DPYS: variants seen among roughly 807,000 people sequenced by gnomAD.
DPYS encodes the protein dihydropyrimidine amidohydrolase.
A neutral mutation model predicts 50.3 loss-of-function variants in DPYS; 39 were observed. That is an observed-to-expected ratio of 0.78 (90% CI 0.60 to 1.01). DPYS has a LOEUF of 1.01. DPYS is among the 50% of genes least tolerant of loss of function. The pLI, the probability that DPYS is intolerant of heterozygous loss-of-function variation, is 0.00. For missense variants in DPYS, 659 were observed against 680.9 expected (o/e 0.97, Z 0.36); for synonymous variants, 245 against 250.7 (o/e 0.98, Z 0.22).
chr8:104,462,564 A>T (rs555539908), intron 1 of DPYS, among the ~76,000 whole-genome samples: 1 of 152,248 alleles, frequency 6.6e-6, no homozygotes, highest in East Asian at 1.9e-4. Flanking sequence ...AATGTGTTGC[A>T]TGGTTTCCCA....
In DPYS at chr8:104,447,509, A is replaced by T. The variant is rs774780131; in HGVS notation, c.424-6T>A. 6.3e-5 allele frequency: 101 copies of T among 1,613,990 alleles called. No individual in the cohort carries two copies. Among genetic ancestry groups the T allele is most frequent in the Non-Finnish European group, 8.2e-5 (97 of 1,179,952 alleles). ...ATTTTCATTTCTTCTTTAACCTAAA[A>T]GGAAGCAGCAACCATAACAACAATA... is the stretch of plus-strand genomic sequence containing the variant. On this transcript the variant is annotated splice_polypyrimidine_tract_variant and splice_region_variant and intron_variant, in intron 2 of 9. Transcript: ENST00000351513.
intron 7 of DPYS, among the ~76,000 whole-genome samples, chr8:104,412,140 C>T: frequency 6.6e-6 from 1 of 152,200 alleles, no homozygotes; most frequent in East Asian, 1.9e-4. Context: ...CAACTGACTG[C>T]TGGTGTTCAA....
intron 2 of DPYS, 140 bp from the exon 3 acceptor site, chr8:104,447,643 G>A: frequency 1.1e-6 from 1 of 951,800 alleles, no homozygotes; most frequent in Non-Finnish European, 1.6e-6. Flanking sequence ...CCACAAAAAT[G>A]CAATTAAGGC....
chr8:104,392,725 G>A (rs1224708415), intron 8 of DPYS, 59 bp downstream of exon 8: 1 of 1,600,282 alleles, frequency 6.2e-7, no homozygotes, highest in East Asian at 2.2e-5. Flanking sequence ...TAACCAGCCA[G>A]ACATCCAGAA....
intron 8 of DPYS, among the ~76,000 whole-genome samples, chr8:104,387,633 G>A (rs1298598218): frequency 6.6e-6 from 1 of 152,186 alleles, no homozygotes; most frequent in Non-Finnish European, 1.5e-5. Flanking sequence ...TGGTAACTAT[G>A]TGAGCTCCCT....
In DPYS at chr8:104,392,775, C is replaced by T. The variant is rs1451673391; in HGVS notation, c.1443+9G>A. 1 of 1,613,840 alleles carries T rather than the reference C, an allele frequency of 6.2e-7. No individual in the cohort carries two copies. The highest frequency in any genetic ancestry group is 8.5e-7 in the Non-Finnish European group (1 of 1,179,900). On this transcript the variant is annotated intron_variant, in intron 8 of 9. Transcript: ENST00000351513. ...GACTTGTGGCAGTATCCCACTGTGGCACACTCACCCGGTCTCGCTGCTTTA... is the reference window on the plus strand; with the variant it reads ...GACTTGTGGCAGTATCCCACTGTGGTACACTCACCCGGTCTCGCTGCTTTA...
At chr8:104,417,368 T>G (rs1191280756) in intron 7 of DPYS, among the ~76,000 whole-genome samples, 1 of 152,230 alleles carries the variant, frequency 6.6e-6, no homozygotes, top group Non-Finnish European at 1.5e-5. Context: ...GCTGCAGCTA[T>G]GGGCTTGCAA....
At chr8:104,450,060 C>T (rs1276279109) in intron 2 of DPYS, among the ~76,000 whole-genome samples, 1 of 150,640 alleles carries the variant, frequency 6.6e-6, no homozygotes, top group Non-Finnish European at 1.5e-5. Flanking sequence ...GGACAAACAC[C>T]ATCACCTTTG....
chr8:104,447,644 C>T, intron 2 of DPYS, 141 bp from the exon 3 acceptor site: 2 of 940,404 alleles, frequency 2.1e-6, no homozygotes, highest in Admixed American at 2.1e-5. Flanking sequence ...CACAAAAATG[C>T]AATTAAGGCC....
At chr8:104,388,497 T>C (rs1161840266) in intron 8 of DPYS, among the ~76,000 whole-genome samples, 2 of 152,244 alleles carry the variant, frequency 1.3e-5, no homozygotes, top group Non-Finnish European at 2.9e-5. Context: ...TAAAGAGCTA[T>C]ATATTTTTTG....
At chr8:104,430,082 A>G (rs1257455575) in intron 4 of DPYS, among the ~76,000 whole-genome samples, 3 of 152,192 alleles carry the variant, frequency 2.0e-5, no homozygotes, top group Non-Finnish European at 4.4e-5. Flanking sequence ...CTACATTTAC[A>G]TTACATACAG....
chr8:104,459,314 C>T (rs556113183), intron 1 of DPYS, among the ~76,000 whole-genome samples: 1 of 152,314 alleles, frequency 6.6e-6, no homozygotes, highest in Middle Eastern at 3.4e-3. Flanking sequence ...TCACAATCAT[C>T]AAAGCAAAGT....
At chr8:104,406,079 G>C (rs1317124847) in intron 7 of DPYS, among the ~76,000 whole-genome samples, 4 of 152,190 alleles carry the variant, frequency 2.6e-5, no homozygotes, top group Non-Finnish European at 5.9e-5. Flanking sequence ...TCAGTAAGTG[G>C]AGGGACAGAT....
intron 1 of DPYS, among the ~76,000 whole-genome samples, chr8:104,459,447 TGCACCAGCC>T (rs1200353059): frequency 6.6e-6 from 1 of 152,238 alleles, no homozygotes; most frequent in African/African-American, 2.4e-5. Context: ...CTATAACCTC[TGCACCAGCC>T]ACAATGCCTG....
chr8:104,379,815 G>A lies in DPYS; in HGVS notation c.*43C>T, dbSNP rs1410896477. ...GACAATGTTTGGCTGTGAAGGGAATGGCAGCCTCCTTTCCTCTGATTTTTT... is the reference window on the plus strand; with the variant it reads ...GACAATGTTTGGCTGTGAAGGGAATAGCAGCCTCCTTTCCTCTGATTTTTT... On this transcript the variant is annotated 3_prime_UTR_variant, in exon 10 of 10. Transcript: ENST00000351513. The A allele has an allele frequency of 4.4e-6, 2 of 456,520 alleles. No individual in the cohort carries two copies. Among genetic ancestry groups the A allele is most frequent in the South Asian group, 3.1e-5 (2 of 64,562 alleles). 28.3% of individuals were successfully genotyped at this position (456,520 alleles called of 1,614,324 possible). A position where few individuals can be genotyped will look rare whatever the true frequency, so the allele number is the denominator to read the frequency against.
chr8:104,447,269 C>A, intron 3 of DPYS, 55 bp downstream of exon 3: 1 of 1,603,196 alleles, frequency 6.2e-7, no homozygotes, highest in African/African-American at 1.3e-5. Context: ...ATCATCTTCA[C>A]CTTATGTTAT....
At chr8:104,381,878 A>ACACACACACACACACACACC (rs1811061670) in intron 8 of DPYS, among the ~76,000 whole-genome samples, 1 of 122,858 alleles carries the variant, frequency 8.1e-6, no homozygotes, top group Non-Finnish European at 1.7e-5. Flanking sequence ...ACACACACAC[A>ACACACACACACACACACACC]CACACATACA....
rs1260311478 is a variant in DPYS at position 104,466,639 on chromosome 8, G to A, written c.264+18C>T. 5.3e-6 allele frequency: 8 copies of A among 1,504,246 alleles called. No individual in the cohort carries two copies. The East Asian group carries it at 1.3e-4, about 25-fold the overall frequency. 93.2% of individuals were successfully genotyped at this position (1,504,246 alleles called of 1,614,324 possible). A position where few individuals can be genotyped will look rare whatever the true frequency, so the allele number is the denominator to read the frequency against. The stretch of plus-strand genomic sequence containing the variant: ...CCTCCGTGGGTACCGCGGGGCGGGG[G>A]CGCGGCGGGGCGGGTACCTTGGTGC... On this transcript the variant is annotated intron_variant, in intron 1 of 9. Transcript: ENST00000351513.
chr8:104,420,912 C>T (rs1812518251), intron 7 of DPYS: 1 of 152,146 alleles, frequency 6.6e-6, no homozygotes, highest in African/African-American at 2.4e-5. Flanking sequence ...CATAATAATA[C>T]ATATCTTGTC....
Sources: allele counts gnomAD v4.1 joint callset (sites outside exome capture counted in the v4.1 genomes callset), GRCh38; gene constraint gnomAD v4.1.1; transcripts MANE v1.5; gene names NCBI Gene and HGNC (gene_info 2026-07-23, HGNC 2026-07-21).